Variants in BRIP1 observed in about 807,000 individuals in gnomAD.
BRIP1 encodes the protein BRCA1 interacting DNA helicase 1.
A neutral mutation model predicts 119.7 loss-of-function variants in BRIP1; 88 were observed. The ratio of observed to expected loss-of-function variants is 0.74; its 90% CI spans 0.62 to 0.88. BRIP1 has a LOEUF of 0.88. BRIP1 is among the 40% of genes least tolerant of loss of function. The pLI, the probability that BRIP1 is intolerant of heterozygous loss-of-function variation, is 0.00. For missense variants in BRIP1, 1,259 were observed against 1,455.4 expected, an observed-to-expected ratio of 0.87 and a Z score of 2.20; for synonymous variants, 443 against 496.5, an observed-to-expected ratio of 0.89 and a Z score of 1.43.
chr17:61,839,131 A>C (rs2078621848), intron 6 of BRIP1, among the ~76,000 whole-genome samples: 1 of 151,976 alleles, frequency 6.6e-6, no homozygotes, highest in Non-Finnish European at 1.5e-5. Context: ...ACCTCTACTC[A>C]TATCCCCATT....
Position 61,706,809 on chromosome 17 carries a change from T to A in BRIP1, c.2492+9142A>T, listed in dbSNP as rs2061696403. ...ATAACTGCCTCTTCTTTTTGTGGAT[T>A]AATTTTTAATGTTTTCTGTCATTAA... On this transcript the variant is annotated intron_variant, in intron 17 of 19. Transcript: ENST00000259008. This position sits in a 1 kb window ranked among gnomAD's most constrained non-coding sequence, Gnocchi z 5.7. Among the ~76,000 whole-genome samples, 2 of 152,232 alleles carry A rather than the reference T, an allele frequency of 1.3e-5. No individual in the cohort carries two copies. Among genetic ancestry groups the A allele is most frequent in the Admixed American group, 1.3e-4 (2 of 15,288 alleles).
rs2078925757 is a variant in BRIP1 at position 61,858,296 on chromosome 17, T to C, written c.206-1065A>G. Reference sequence around the variant, plus strand: ...ATCTGCCATTAAGACCTGAAGTTAGTACCGATAAACTCATTTTTCCCAAAA... The same window carrying C: ...ATCTGCCATTAAGACCTGAAGTTAGCACCGATAAACTCATTTTTCCCAAAA... On this transcript the variant is annotated intron_variant, in intron 3 of 19. Transcript: ENST00000259008. 2.0e-5 allele frequency among the ~76,000 whole-genome samples: 3 copies of C among 152,238 alleles called. No individual in the cohort carries two copies. In the South Asian group the frequency reaches 6.2e-4, roughly 32 times the overall value.
intron 14 of BRIP1, among the ~76,000 whole-genome samples, chr17:61,765,380 T>A (rs9913512): frequency 9.2e-4 from 26 of 28,272 alleles, no homozygotes; most frequent in African/African-American, 3.9e-3. Context: ...GTGTATATAT[T>A]ATATATATAT....
rs375242936 is a variant in BRIP1 at position 61,795,881 on chromosome 17, G to A, written c.1341-2152C>T. 3.9e-5 allele frequency among the ~76,000 whole-genome samples: 6 copies of A among 151,988 alleles called. No individual in the cohort carries two copies. The South Asian group carries it at 6.2e-4, about 16-fold the overall frequency. ...ATTTACATTCCCACCAACAGTATAC[G>A]AGGGTTGTCTTTTCTCCACATCCTT... On this transcript the variant is annotated intron_variant, in intron 9 of 19. Transcript: ENST00000259008. This position sits in a 1 kb window ranked among gnomAD's most constrained non-coding sequence, Gnocchi z 5.6.
In BRIP1 at chr17:61,853,509, G is replaced by A. The variant is rs753205070; in HGVS notation, c.379+3549C>T. Among the ~76,000 whole-genome samples the A allele has an allele frequency of 2.2e-4, 33 of 152,150 alleles. No homozygotes were observed. Among genetic ancestry groups the A allele is most frequent in the East Asian group, 9.6e-4 (5 of 5,188 alleles). On this transcript the variant is annotated intron_variant, in intron 4 of 19. Transcript: ENST00000259008. The surrounding 1 kb of genome is among the most constrained non-coding windows in gnomAD (Gnocchi z 4.3). ...GGATTTACTTACAAATATAAAGAGC[G>A]TATCAGAATACAACCTTGATTTTTC...
chr17:61,833,983 T>C (rs975313304), intron 6 of BRIP1, among the ~76,000 whole-genome samples: 2 of 152,178 alleles, frequency 1.3e-5, no homozygotes, highest in Non-Finnish European at 2.9e-5. Context: ...TACTCAACTT[T>C]ACTGTTATAA....
At chr17:61,721,873 G>GTA (rs749712967) in intron 16 of BRIP1, among the ~76,000 whole-genome samples, 5 of 144,202 alleles carry the variant, frequency 3.5e-5, no homozygotes, top group Non-Finnish European at 4.6e-5. Context: ...AATTTTTTGT[G>GTA]TATATATATA....
Position 61,736,822 on chromosome 17 carries a change from C to T in BRIP1, c.2379+6191G>A, listed in dbSNP as rs2076925112. Among the ~76,000 whole-genome samples the T allele has an allele frequency of 1.3e-5, 2 of 152,082 alleles. No homozygotes were observed. The highest frequency in any genetic ancestry group is 4.1e-4 in the South Asian group (2 of 4,828). ...AGATTATAAAACATCTTTATAAACA[C>T]TAAATATGTGCTTTAGGAAATAATA... On this transcript the variant is annotated intron_variant, in intron 16 of 19. Transcript: ENST00000259008. This position sits in a 1 kb window ranked among gnomAD's most constrained non-coding sequence, Gnocchi z 4.4.
rs1378760775 is a variant in BRIP1 at position 61,791,999 on chromosome 17, CAA to C, written c.1473+1596_1473+1597del. On this transcript the variant is annotated intron_variant, in intron 10 of 19. Coordinates refer to ENST00000259008, the MANE Select transcript of BRIP1 (RefSeq NM_032043.3). Reference sequence around the variant, plus strand: ...CTCGTAGAAGCAGAGTCCTCAGCCCCAAAGTTCACTGGTGAAGATGTACAACA... The same window carrying C: ...CTCGTAGAAGCAGAGTCCTCAGCCCCAGTTCACTGGTGAAGATGTACAACA... 2.4e-4 allele frequency among the ~76,000 whole-genome samples: 37 copies of C among 152,288 alleles called. No homozygotes were observed. The Middle Eastern group carries it at 0.014, about 56-fold the overall frequency.
intron 3 of BRIP1, 97 bp downstream of exon 3, chr17:61,859,699 T>G: frequency 1.3e-6 from 1 of 796,534 alleles, no homozygotes; most frequent in African/African-American, 1.7e-5. Context: ...ATATTTAAGT[T>G]AGCGACAGCA....
chr17:61,716,977 CT>C (rs776996223), intron 16 of BRIP1, among the ~76,000 whole-genome samples: 4 of 151,880 alleles, frequency 2.6e-5, no homozygotes, highest in Non-Finnish European at 4.4e-5. Context: ...TTTTATTGTC[CT>C]TTATGCTATT....
In BRIP1 at chr17:61,701,501, A is replaced by G. The variant is rs953497533; in HGVS notation, c.2493-7989T>C. Among the ~76,000 whole-genome samples, 2 of 152,180 alleles carry G rather than the reference A, an allele frequency of 1.3e-5. No homozygotes were observed. The highest frequency in any genetic ancestry group is 2.9e-5 in the Non-Finnish European group (2 of 68,030). On this transcript the variant is annotated intron_variant, in intron 17 of 19. Coordinates refer to ENST00000259008, the MANE Select transcript of BRIP1 (RefSeq NM_032043.3). The surrounding 1 kb of genome is among the most constrained non-coding windows in gnomAD (Gnocchi z 5.1). ...ATTTCAATCCTCAGCACTGTAGGTA[A>G]TAACTCTGATCTTGTTTTCACTTCC...
rs565051577 is a variant in BRIP1, at chr17:61,848,931, A to T, written c.507+198T>A. ...AACACCATGCAGTTTCACTTGAACG[A>T]CATGTTACTGTGAATAATCTGCTAT... On this transcript the variant is annotated intron_variant, in intron 5 of 19. Transcript: ENST00000259008. The surrounding 1 kb of genome is among the most constrained non-coding windows in gnomAD (Gnocchi z 4.3). Among the ~76,000 whole-genome samples the T allele has an allele frequency of 7.3e-4, 111 of 152,364 alleles. No individual in the cohort carries two copies. Among genetic ancestry groups the T allele is most frequent in the Middle Eastern group, 3.4e-3 (1 of 294 alleles).
rs945131782 is a variant in BRIP1, at chr17:61,841,567, T to C, written c.627+5534A>G. ...AAAAAATAACAAATGTTAGTGACGA[T>C]GTGGAGAAGAAACTCATATACTATT... On this transcript the variant is annotated intron_variant, in intron 6 of 19. Transcript: ENST00000259008. This position sits in a 1 kb window ranked among gnomAD's most constrained non-coding sequence, Gnocchi z 4.1. Among the ~76,000 whole-genome samples, 8 of 152,068 alleles carry C rather than the reference T, an allele frequency of 5.3e-5. No homozygotes were observed. The highest frequency in any genetic ancestry group is 1.3e-4 in the Admixed American group (2 of 15,262).
rs1353096513 is a variant in BRIP1 at position 61,816,011 on chromosome 17, TA to T, written c.628-7255del. The stretch of plus-strand genomic sequence containing the variant: ...TATACCTTTTCAACTATTCTTTTTT[TA>T]AAAATTCAAACAGTAGTAGTACCCT... On this transcript the variant is annotated intron_variant, in intron 6 of 19. Transcript: ENST00000259008. This position sits in a 1 kb window ranked among gnomAD's most constrained non-coding sequence, Gnocchi z 5.0. Among the ~76,000 whole-genome samples, 2 of 152,196 alleles carry T rather than the reference TA, an allele frequency of 1.3e-5. No homozygotes were observed. Among genetic ancestry groups the T allele is most frequent in the Non-Finnish European group, 2.9e-5 (2 of 68,024 alleles).
rs1555616182 is a variant in BRIP1 at position 61,849,205 on chromosome 17, G to T, written c.431C>A (p.Ala144Glu). The change falls in exon 5 of 20, where the codon GCA (alanine) becomes GAA (glutamate). Residue 144 changes from alanine to glutamate, a missense_variant. Ala to Glu is a moderately radical substitution (Grantham distance 107, BLOSUM62 -1). Around this residue, in one of 3 missense-constraint regions of BRIP1, gnomAD observed 501 missense variants for 544.0 expected, o/e 0.92. Coordinates refer to ENST00000259008, the MANE Select transcript of BRIP1 (RefSeq NM_032043.3). ...ATCATTTTCATCTCTGTATATGGAT[G>T]CCTGTTTCTTAGCAGATAACTTTGC... ...LAAKLSAKKQ[A>E]SIYRDENDDF... is the part of the protein sequence containing the mutation. 1 of 1,612,526 alleles carries T rather than the reference G, an allele frequency of 6.2e-7. No homozygotes were observed. The highest frequency in any genetic ancestry group is 8.5e-7 in the Non-Finnish European group (1 of 1,178,868).
chr17:61,712,898 A>G (rs7212983), intron 17 of BRIP1, among the ~76,000 whole-genome samples: 51,221 of 106,938 alleles, frequency 0.48, 8,902 homozygotes, highest in East Asian at 0.59. Context: ...GCGAGACTTC[A>G]TCTCAAAAAA....
intron 14 of BRIP1, among the ~76,000 whole-genome samples, chr17:61,772,589 C>T (rs754672321): frequency 3.9e-5 from 6 of 151,986 alleles, no homozygotes; most frequent in Non-Finnish European, 8.8e-5. Context: ...GAGGCCAAGG[C>T]GGGCAGATCA....
At chr17:61,788,629 CA>C (rs1331664935) in intron 10 of BRIP1, among the ~76,000 whole-genome samples, 4 of 152,042 alleles carry the variant, frequency 2.6e-5, no homozygotes, top group Admixed American at 2.6e-4. Context: ...TGGTGGAACA[CA>C]ATCAAGTCCA....
Sources: gnomAD v4.1 joint callset for allele counts (sites outside exome capture counted in the v4.1 genomes callset) on GRCh38, gnomAD v4.1.1 for gene constraint, gnomAD v4.1.1 regional missense constraint, Gnocchi (gnomAD v3.1) non-coding constraint, MANE v1.5 for transcripts, NCBI Gene and HGNC (gene_info 2026-07-23, HGNC 2026-07-21) for gene names.